The following PDE10A variants were observed in gnomAD, a reference collection of about 807,000 sequenced individuals.
The protein encoded by PDE10A is phosphodiesterase 10A, also known as cAMP and cAMP-inhibited cGMP 3',5'-cyclic phosphodiesterase 10A.
In PDE10A, 39 loss-of-function variants were observed where a neutral mutation model predicts 97.7. The ratio of observed to expected loss-of-function variants is 0.40; its 90% CI spans 0.31 to 0.52. The LOEUF is 0.52. PDE10A is among the 20% of genes least tolerant of loss of function. The pLI, the probability that PDE10A is intolerant of heterozygous loss-of-function variation, is 0.56. For synonymous variants in PDE10A, 371 were observed against 376.8 expected (o/e 0.98, Z 0.18); for missense variants, 731 against 1,047.8 (o/e 0.70, Z 4.17).
At chr6:165,765,377 C>T (rs6456011) in intron 1 of PDE10A, among the ~76,000 whole-genome samples, 2 of 137,302 alleles carry the variant, frequency 1.5e-5, no homozygotes, top group Non-Finnish European at 3.3e-5. Context: ...CAGGAGCCCA[C>T]GGAGGCGGGG....
chr6:165,875,498 C>T (rs975793716), intron 1 of PDE10A, among the ~76,000 whole-genome samples: 3 of 152,120 alleles, frequency 2.0e-5, no homozygotes, highest in African/African-American at 7.2e-5. Context: ...TCTTATCAGC[C>T]CGAAAATGAT....
chr6:165,943,473 C>CA (rs1783655310), intron 1 of PDE10A, among the ~76,000 whole-genome samples: 1 of 152,172 alleles, frequency 6.6e-6, no homozygotes. Flanking sequence ...CTGTTGCCTA[C>CA]ACACTGGAGA....
At chr6:165,616,075 C>G (rs1252806621) in intron 1 of PDE10A, among the ~76,000 whole-genome samples, 1 of 152,154 alleles carries the variant, frequency 6.6e-6, no homozygotes, top group Non-Finnish European at 1.5e-5. Flanking sequence ...GTTGTTTCAA[C>G]CTAATTCCTC....
At chr6:165,899,871 C>T (rs1031300462) in intron 1 of PDE10A, among the ~76,000 whole-genome samples, 13 of 152,242 alleles carry the variant, frequency 8.5e-5, no homozygotes, top group African/African-American at 3.1e-4. Context: ...CCTCTGCTTA[C>T]GGAGTTGGGT....
At chr6:165,782,482 G>A (rs142390921) in intron 1 of PDE10A, among the ~76,000 whole-genome samples, 7 of 152,142 alleles carry the variant, frequency 4.6e-5, no homozygotes, top group Admixed American at 3.9e-4. Flanking sequence ...CTGAGTGCAC[G>A]GCAGTTCTGA....
rs1779424641 is a variant in PDE10A, at chr6:165,816,740, A to C, written c.-615+170789T>G. On this transcript the variant is annotated intron_variant, in intron 1 of 19. Coordinates refer to the PDE10A transcript ENST00000366882. ...TGAGACTACAGGCCAACACCACCAG[A>C]GTGCCCTGGGGGCTCAGACGGTGGA... 2.6e-5 allele frequency among the ~76,000 whole-genome samples: 4 copies of C among 152,220 alleles called. No individual in the cohort carries two copies. The South Asian group carries it at 8.3e-4, about 32-fold the overall frequency.
chr6:165,768,938 T>C (rs1165001316), intron 1 of PDE10A, among the ~76,000 whole-genome samples: 7 of 152,228 alleles, frequency 4.6e-5, no homozygotes, highest in Non-Finnish European at 1.0e-4. Flanking sequence ...ATTTACACTT[T>C]AAAGTGAAAA....
intron 5 of PDE10A, among the ~76,000 whole-genome samples, chr6:165,443,966 G>A (rs1790658153): frequency 6.6e-6 from 1 of 152,182 alleles, no homozygotes; most frequent in Non-Finnish European, 1.5e-5. Context: ...AATTTCTGCA[G>A]CCAGTGGCTT....
intron 1 of PDE10A, among the ~76,000 whole-genome samples, chr6:165,850,514 T>G (rs1780546493): frequency 6.6e-6 from 1 of 152,218 alleles, no homozygotes. Context: ...AAAGGTAAAC[T>G]ACCTTTAGTT....
chr6:165,380,102 T>C (rs755848352), intron 17 of PDE10A, among the ~76,000 whole-genome samples: 14 of 152,212 alleles, frequency 9.2e-5, no homozygotes, highest in Non-Finnish European at 1.2e-4. Flanking sequence ...TTAAAAACTT[T>C]ATAATAATTT....
At chr6:165,458,838 G>A (rs958813437) in intron 3 of PDE10A, among the ~76,000 whole-genome samples, 2 of 151,934 alleles carry the variant, frequency 1.3e-5, no homozygotes, top group African/African-American at 2.4e-5. Context: ...AAAATTTAAC[G>A]TTTCTACAGC....
chr6:165,470,573 A>G (rs1243219703), intron 3 of PDE10A, among the ~76,000 whole-genome samples: 16 of 152,240 alleles, frequency 1.1e-4, no homozygotes, highest in East Asian at 1.9e-4. Context: ...TCATTCATAG[A>G]AAAGTATTAC....
intron 1 of PDE10A, among the ~76,000 whole-genome samples, chr6:165,965,709 T>C (rs1784491268): frequency 6.6e-6 from 1 of 152,208 alleles, no homozygotes; most frequent in South Asian, 2.1e-4. Flanking sequence ...TTTAGAAATG[T>C]CTGGGCCTAT....
chr6:165,445,416 A>G (rs1790775804), intron 5 of PDE10A, among the ~76,000 whole-genome samples: 1 of 152,194 alleles, frequency 6.6e-6, no homozygotes, highest in Admixed American at 6.5e-5. Context: ...GGGAATTACT[A>G]ATGACTGAAT....
At chr6:165,975,146 C>A (rs761094755) in intron 1 of PDE10A, among the ~76,000 whole-genome samples, 7 of 152,208 alleles carry the variant, frequency 4.6e-5, no homozygotes, top group Non-Finnish European at 8.8e-5. Context: ...GCTGATAAAC[C>A]GCCTTTCACT....
chr6:165,620,554 A>G (rs1469069687), intron 1 of PDE10A, among the ~76,000 whole-genome samples: 1 of 151,188 alleles, frequency 6.6e-6, no homozygotes, highest in African/African-American at 2.5e-5. Context: ...AGGCTAAGGG[A>G]AGAGAGAAAA....
intron 1 of PDE10A, among the ~76,000 whole-genome samples, chr6:165,610,949 A>T (rs1787464328): frequency 6.6e-6 from 1 of 152,038 alleles, no homozygotes; most frequent in South Asian, 2.1e-4. Flanking sequence ...AAGGAGCACT[A>T]CTAGTCTACC....
chr6:165,725,420 C>A (rs2128449501), intron 1 of PDE10A, among the ~76,000 whole-genome samples: 1 of 152,330 alleles, frequency 6.6e-6, no homozygotes, highest in Non-Finnish European at 1.5e-5. Context: ...AACACGCCCC[C>A]CACAAGCTGC....
chr6:165,499,045 A>G (rs554917355), intron 2 of PDE10A, among the ~76,000 whole-genome samples: 3 of 152,340 alleles, frequency 2.0e-5, no homozygotes, highest in Admixed American at 6.5e-5. Flanking sequence ...GAAAATTACA[A>G]GACCAGAGTA....
Sources: gnomAD v4.1 joint callset for allele counts (sites outside exome capture counted in the v4.1 genomes callset) on GRCh38, gnomAD v4.1.1 for gene constraint, MANE v1.5 for transcripts, NCBI Gene and HGNC (gene_info 2026-07-23, HGNC 2026-07-21) for gene names.